SLC39A12: variants seen among roughly 807,000 people sequenced by gnomAD.
SLC39A12 encodes the protein zinc transporter ZIP12.
Under a neutral mutation model 71.1 loss-of-function variants are expected in SLC39A12, and 63 were observed. That is an observed-to-expected ratio of 0.89 (90% CI 0.72 to 1.09). SLC39A12 has a LOEUF of 1.09. SLC39A12 is among the 50% of genes least tolerant of loss of function. The probability of loss-of-function intolerance (pLI) is 0.00; values close to 1 mark genes in which losing one functional copy is unlikely to be tolerated. For missense variants in SLC39A12, 892 were observed against 812.6 expected (o/e 1.10, Z -1.19); for synonymous variants, 351 against 301.3 (o/e 1.16, Z -1.71).
At chr10:18,003,933 T>C (rs537852842) in intron 12 of SLC39A12, among the ~76,000 whole-genome samples, 4 of 152,306 alleles carry the variant, frequency 2.6e-5, no homozygotes, top group Admixed American at 6.5e-5. Flanking sequence ...AAAAGGACAA[T>C]TGCGCTGATG....
chr10:17,957,451 C>A (rs1834579688), intron 2 of SLC39A12, among the ~76,000 whole-genome samples: 1 of 152,168 alleles, frequency 6.6e-6, no homozygotes, highest in Non-Finnish European at 1.5e-5. Flanking sequence ...ATTCCCCCCG[C>A]CCCAAACCTT....
intron 12 of SLC39A12, among the ~76,000 whole-genome samples, chr10:18,009,953 C>CA (rs1250544306): frequency 4.6e-5 from 7 of 151,966 alleles, no homozygotes; most frequent in Non-Finnish European, 1.0e-4. Flanking sequence ...TGGGTAAAAG[C>CA]AAAAAAACAT....
chr10:18,042,800 C>A lies in SLC39A12; in HGVS notation c.2043C>A (p.Leu681=). The A allele has an allele frequency of 6.2e-7, 1 of 1,612,814 alleles. No individual in the cohort carries two copies. Among genetic ancestry groups the A allele is most frequent in the South Asian group, 1.1e-5 (1 of 90,878 alleles). Residue 681 remains leucine, a synonymous_variant, in exon 13 of 13, where the codon CTC becomes CTA. Transcript: ENST00000377369. ...TCCTAGGTTGGCTTTCTCTCCTGCT[C>A]TTGGCTATATATGAGCAAAATATTA... ...GLILGWLSLL[L]LAIYEQNIKI
chr10:17,961,802 G>A lies in SLC39A12; in HGVS notation c.483G>A (p.Gln161=). The change falls in exon 3 of 13, where the codon CAG becomes CAA. Residue 161 remains glutamine, a synonymous_variant. Transcript: ENST00000377369. ...RQDEDSSFLS[Q]NETEDILAFT... is the part of the protein sequence containing the mutation. ...ATGAAGATTCCTCTTTCCTTTCACA[G>A]AATGAGACAGAAGATATCTTGGCTT... 1 of 1,614,120 alleles carries A rather than the reference G, an allele frequency of 6.2e-7. No individual in the cohort carries two copies. The highest frequency in any genetic ancestry group is 8.5e-7 in the Non-Finnish European group (1 of 1,179,998).
At position 17,993,214 on chromosome 10, in the gene SLC39A12, C is replaced by G. The variant is rs1402550558; in HGVS notation, c.1456C>G (p.His486Asp). The part of the protein sequence containing the change: ...GLSLVNGHVG[H>D]SHHLALNSEL... The stretch of plus-strand genomic sequence containing the variant: ...GTCATTGGTTAATGGGCACGTGGGT[C>G]ATTCCCACCATCTTGCACTCAACTC... The change falls in exon 9 of 13, where the codon CAT (histidine) becomes GAT (aspartate). Residue 486 changes from histidine (H) to aspartate (D), a missense_variant. Physicochemically the swap from His to Asp is moderately conservative, Grantham distance 81. Coordinates refer to ENST00000377369, the MANE Select transcript of SLC39A12 (RefSeq NM_001145195.2). The G allele has an allele frequency of 6.4e-7, 1 of 1,551,770 alleles. No homozygotes were observed. Among genetic ancestry groups the G allele is most frequent in the East Asian group, 2.4e-5 (1 of 40,918 alleles).
chr10:17,965,742 T>C lies in SLC39A12; in HGVS notation c.751+52T>C, dbSNP rs527945189. 29 of 1,463,282 alleles carry C rather than the reference T, an allele frequency of 2.0e-5. No individual in the cohort carries two copies. The South Asian group carries it at 3.4e-4, about 17-fold the overall frequency. 90.6% of individuals were successfully genotyped at this position (1,463,282 alleles called of 1,614,324 possible). A position where few individuals can be genotyped will look rare whatever the true frequency, so the allele number is the denominator to read the frequency against. The stretch of plus-strand genomic sequence containing the variant: ...TCCAAGTCACACCTGCTAAATAAAC[T>C]ATGCCAAAAACAAAGGCCAAAGCTC... On this transcript the variant is annotated intron_variant, in intron 4 of 12. Coordinates refer to ENST00000377369, the MANE Select transcript of SLC39A12 (RefSeq NM_001145195.2).
Position 17,963,735 on chromosome 10 carries a change from A to G in SLC39A12, c.544-1748A>G, listed in dbSNP as rs542793035. ...TGACTAGATGGCATGAGGTCAGATG[A>G]GGTTCTGGCTCACCAGGCCCATCAT... On this transcript the variant is annotated intron_variant, in intron 3 of 12. Coordinates refer to ENST00000377369, the MANE Select transcript of SLC39A12 (RefSeq NM_001145195.2). Among the ~76,000 whole-genome samples the G allele has an allele frequency of 2.6e-5, 4 of 152,270 alleles. No individual in the cohort carries two copies. The South Asian group carries it at 8.3e-4, about 32-fold the overall frequency.
chr10:18,031,301 C>T (rs1353220436), intron 12 of SLC39A12, among the ~76,000 whole-genome samples: 2 of 143,770 alleles, frequency 1.4e-5, no homozygotes, highest in Non-Finnish European at 3.1e-5. Flanking sequence ...ACATCCTCTC[C>T]AGCACCTGTT....
At chr10:18,004,774 A>G (rs1835960869) in intron 12 of SLC39A12, among the ~76,000 whole-genome samples, 1 of 152,202 alleles carries the variant, frequency 6.6e-6, no homozygotes, top group African/African-American at 2.4e-5. Flanking sequence ...TCATTCTATT[A>G]TAAAGATACA....
chr10:18,029,115 C>T (rs570820103), intron 12 of SLC39A12, among the ~76,000 whole-genome samples: 2 of 152,248 alleles, frequency 1.3e-5, no homozygotes, highest in African/African-American at 4.8e-5. Context: ...TCGTGATCCG[C>T]CCACCTCGGC....
At chr10:17,991,115 TTC>T in intron 7 of SLC39A12, 34 bp from the exon 8 acceptor site, 1 of 1,515,348 alleles carries the variant, frequency 6.6e-7, no homozygotes, top group Non-Finnish European at 8.8e-7. Flanking sequence ...ATCTCCATCT[TTC>T]TCTCTGCCTT....
chr10:17,979,718 C>A (rs1234576318), intron 5 of SLC39A12, among the ~76,000 whole-genome samples: 1 of 152,184 alleles, frequency 6.6e-6, no homozygotes, highest in African/African-American at 2.4e-5. Flanking sequence ...GAAATGCCTT[C>A]CTCACCCACA....
At chr10:18,018,274 CT>C (rs1449033351) in intron 12 of SLC39A12, among the ~76,000 whole-genome samples, 7 of 152,050 alleles carry the variant, frequency 4.6e-5, no homozygotes, top group Non-Finnish European at 7.4e-5. Flanking sequence ...GTTCTAGGAG[CT>C]TTTTTATTGA....
At chr10:18,003,538 T>C (rs1835897117) in intron 12 of SLC39A12, 180 bp downstream of exon 12, 1 of 532,870 alleles carries the variant, frequency 1.9e-6, no homozygotes, top group South Asian at 4.5e-5. Context: ...AAGAACATAA[T>C]TTGGGTACAG....
At chr10:18,034,989 G>A (rs1455179105) in intron 12 of SLC39A12, among the ~76,000 whole-genome samples, 7 of 151,228 alleles carry the variant, frequency 4.6e-5, no homozygotes, top group African/African-American at 1.7e-4. Flanking sequence ...ACTCTCTTCT[G>A]GCTTGTAGGG....
At chr10:18,036,794 A>ATATATATATAT (rs1554855475) in intron 12 of SLC39A12, among the ~76,000 whole-genome samples, 3 of 92,862 alleles carry the variant, frequency 3.2e-5, no homozygotes, top group East Asian at 4.4e-4. Context: ...ATATATATAT[A>ATATATATATAT]TTTTTTTTTT....
chr10:18,006,433 T>G (rs1836020149), intron 12 of SLC39A12, among the ~76,000 whole-genome samples: 3 of 152,166 alleles, frequency 2.0e-5, no homozygotes, highest in Admixed American at 6.5e-5. Context: ...CAGAGGAAAT[T>G]AATGCTCTGT....
intron 12 of SLC39A12, among the ~76,000 whole-genome samples, chr10:18,039,678 T>C (rs1420659776): frequency 6.6e-6 from 1 of 152,098 alleles, no homozygotes; most frequent in Non-Finnish European, 1.5e-5. Context: ...CAGTGAGCTA[T>C]GATCACATCA....
chr10:17,992,621 A>T (rs771949528), intron 8 of SLC39A12, among the ~76,000 whole-genome samples: 2 of 152,250 alleles, frequency 1.3e-5, no homozygotes, highest in Non-Finnish European at 2.9e-5. Flanking sequence ...AAACTAAATT[A>T]GAAAGCCAAA....
Sources: gnomAD v4.1 joint callset for allele counts (sites outside exome capture counted in the v4.1 genomes callset) on GRCh38, gnomAD v4.1.1 for gene constraint, MANE v1.5 for transcripts, NCBI Gene and HGNC (gene_info 2026-07-23, HGNC 2026-07-21) for gene names.